RFX3: variants seen among roughly 807,000 people sequenced by gnomAD.
RFX3 encodes transcription factor RFX3.
RFX3 carries 14 observed loss-of-function variants against 98.6 expected under a neutral mutation model. The observed-to-expected ratio is 0.14, with a 90% CI of 0.09 to 0.22. RFX3 has a LOEUF of 0.22. Among genes scored for constraint, RFX3 ranks in the 10% least tolerant of loss-of-function variants. The pLI, the probability that RFX3 is intolerant of heterozygous loss-of-function variation, is 1.00. For missense variants in RFX3, 639 were observed against 926.9 expected (o/e 0.69, Z 4.03); for synonymous variants, 383 against 328.4 (o/e 1.17, Z -1.80).
chr9:3,279,928 T>G (rs1277954628), intron 7 of RFX3, among the ~76,000 whole-genome samples: 1 of 151,812 alleles, frequency 6.6e-6, no homozygotes, highest in African/African-American at 2.4e-5. Flanking sequence ...GATCAACTTT[T>G]AGGGCAAAGA....
At chr9:3,506,127 C>T (rs1044012349) in intron 1 of RFX3, among the ~76,000 whole-genome samples, 4 of 151,252 alleles carry the variant, frequency 2.6e-5, no homozygotes. Context: ...AATTCAGCAA[C>T]TCATCATCTC....
chr9:3,385,319 A>T (rs1358059930), intron 2 of RFX3, among the ~76,000 whole-genome samples: 1 of 152,206 alleles, frequency 6.6e-6, no homozygotes, highest in Non-Finnish European at 1.5e-5. Flanking sequence ...CAAATTAGAT[A>T]TTAATAGGAA....
chr9:3,357,977 G>A (rs914638997), intron 2 of RFX3, among the ~76,000 whole-genome samples: 1 of 152,010 alleles, frequency 6.6e-6, no homozygotes, highest in African/African-American at 2.4e-5. Context: ...TGAATACACA[G>A]GTGGTAGCAC....
chr9:3,487,575 T>C (rs1587839194), intron 1 of RFX3, among the ~76,000 whole-genome samples: 1 of 152,148 alleles, frequency 6.6e-6, no homozygotes, highest in African/African-American at 2.4e-5. Flanking sequence ...ACTTTGATCA[T>C]CACTTCTAGC....
At chr9:3,426,048 A>G (rs1390320927) in intron 1 of RFX3, among the ~76,000 whole-genome samples, 1 of 152,200 alleles carries the variant, frequency 6.6e-6, no homozygotes, top group African/African-American at 2.4e-5. Flanking sequence ...TGGAATAATG[A>G]TCTTTTTTAA....
intron 1 of RFX3, among the ~76,000 whole-genome samples, chr9:3,474,923 G>A (rs1849096690): frequency 6.6e-6 from 1 of 151,984 alleles, no homozygotes; most frequent in Non-Finnish European, 1.5e-5. Context: ...AACACAGGAA[G>A]ATCCCATCTC....
chr9:3,354,180 T>C (rs1475887482), intron 2 of RFX3, among the ~76,000 whole-genome samples: 1 of 151,930 alleles, frequency 6.6e-6, no homozygotes, highest in Non-Finnish European at 1.5e-5. Context: ...GGGGACAGTA[T>C]TTAGTAGTCT....
intron 1 of RFX3, among the ~76,000 whole-genome samples, chr9:3,447,918 AG>A (rs1438736539): frequency 6.6e-6 from 1 of 152,164 alleles, no homozygotes; most frequent in Non-Finnish European, 1.5e-5. Flanking sequence ...AATTTTAATC[AG>A]GCAAGCCTAA....
chr9:3,455,738 A>T (rs1189864142), intron 1 of RFX3, among the ~76,000 whole-genome samples: 1 of 152,222 alleles, frequency 6.6e-6, no homozygotes, highest in Admixed American at 6.5e-5. Flanking sequence ...TATGTTAGGA[A>T]ACCATTCTGA....
intron 4 of RFX3, among the ~76,000 whole-genome samples, chr9:3,308,975 C>T (rs1256196083): frequency 6.6e-6 from 1 of 152,104 alleles, no homozygotes; most frequent in East Asian, 1.9e-4. Context: ...CCACACTAAG[C>T]CTGGAGAGCT....
chr9:3,516,172 C>T (rs1818144888), intron 1 of RFX3, among the ~76,000 whole-genome samples: 2 of 152,112 alleles, frequency 1.3e-5, no homozygotes, highest in Admixed American at 1.3e-4. Context: ...CCTCAGCCTC[C>T]CGAGTAGCTA....
At chr9:3,290,917 C>G (rs1288111392) in intron 6 of RFX3, among the ~76,000 whole-genome samples, 2 of 152,190 alleles carry the variant, frequency 1.3e-5, no homozygotes, top group African/African-American at 4.8e-5. Context: ...AAATTCCCCT[C>G]ACTCCTTCTC....
chr9:3,301,457 T>C, intron 5 of RFX3, 89 bp downstream of exon 5: 1 of 876,930 alleles, frequency 1.1e-6, no homozygotes, highest in South Asian at 1.7e-5. Context: ...GCAAAATAAA[T>C]AAGTAAATAA....
chr9:3,481,084 A>G (rs1192254854), intron 1 of RFX3, among the ~76,000 whole-genome samples: 1 of 152,206 alleles, frequency 6.6e-6, no homozygotes, highest in African/African-American at 2.4e-5. Flanking sequence ...TTGTCCAATT[A>G]TATGTCAGGT....
In RFX3 at chr9:3,353,660, C is replaced by G. The variant is rs374924222; in HGVS notation, c.118-6896G>C. On this transcript the variant is annotated intron_variant, in intron 2 of 16. Coordinates refer to ENST00000617270, the MANE Select transcript of RFX3 (RefSeq NM_001282116.2). The stretch of plus-strand genomic sequence containing the variant: ...CATCCTAATGAAGCTAAAAAACAAG[C>G]CTTGACAATATCTGAATTACAAGCA... 9.2e-5 allele frequency among the ~76,000 whole-genome samples: 14 copies of G among 152,084 alleles called. No homozygotes were observed. In the East Asian group the frequency reaches 1.7e-3, roughly 19 times the overall value.
chr9:3,500,137 A>C (rs1815816454), intron 1 of RFX3, among the ~76,000 whole-genome samples: 1 of 152,198 alleles, frequency 6.6e-6, no homozygotes, highest in Non-Finnish European at 1.5e-5. Context: ...AGGCCAAGAA[A>C]TCAACAATAA....
chr9:3,232,771 TGAGAGAGAGAGA>T (rs36070658), intron 15 of RFX3, among the ~76,000 whole-genome samples: 22 of 132,406 alleles, frequency 1.7e-4, no homozygotes, highest in South Asian at 1.4e-3. Flanking sequence ...GTTTAGAATC[TGAGAGAGAGAGA>T]GAGAGAGAGA....
chr9:3,228,120 T>C lies in RFX3; in HGVS notation c.2011+727A>G, dbSNP rs147477139. 3.3e-5 allele frequency among the ~76,000 whole-genome samples: 5 copies of C among 152,322 alleles called. No homozygotes were observed. In the East Asian group the frequency reaches 7.7e-4, roughly 24 times the overall value. On this transcript the variant is annotated intron_variant, in intron 16 of 16. Transcript: ENST00000617270. ...TCTGTTTCCTGCAGTGGTTAATAGA[T>C]AATTTACTTGTTTTTAAAAATTGCA...
chr9:3,456,879 T>G (rs1219761221), intron 1 of RFX3, among the ~76,000 whole-genome samples: 1 of 151,660 alleles, frequency 6.6e-6, no homozygotes, highest in Non-Finnish European at 1.5e-5. Flanking sequence ...CCAGGCGCAG[T>G]GGCTCATGCC....
Sources: gnomAD v4.1 joint callset for allele counts (sites outside exome capture counted in the v4.1 genomes callset) on GRCh38, gnomAD v4.1.1 for gene constraint, MANE v1.5 for transcripts, NCBI Gene and HGNC (gene_info 2026-07-23, HGNC 2026-07-21) for gene names.